The following SLC35F2 variants were observed in gnomAD, a reference collection of about 807,000 sequenced individuals.
The protein encoded by SLC35F2 is solute carrier family 35 member F2.
A neutral mutation model predicts 38.1 loss-of-function variants in SLC35F2; 25 were observed. That is an observed-to-expected ratio of 0.66 (90% CI 0.48 to 0.92). The LOEUF is 0.92. Among genes scored for constraint, SLC35F2 ranks in the 40% least tolerant of loss-of-function variants. SLC35F2 has a pLI of 0.00. For missense variants in SLC35F2, 409 were observed against 452.9 expected, an observed-to-expected ratio of 0.90 and a Z score of 0.88; for synonymous variants, 173 against 181.7, an observed-to-expected ratio of 0.95 and a Z score of 0.38.
intron 1 of SLC35F2, among the ~76,000 whole-genome samples, chr11:107,842,438 C>A (rs1860028026): frequency 6.6e-6 from 1 of 151,954 alleles, no homozygotes; most frequent in South Asian, 2.1e-4. Flanking sequence ...ACTGCAACCT[C>A]CGCCTCCTGG....
intron 1 of SLC35F2, among the ~76,000 whole-genome samples, chr11:107,835,397 C>T (rs192330611): frequency 6.6e-6 from 1 of 151,980 alleles, no homozygotes; most frequent in East Asian, 1.9e-4. Flanking sequence ...TGGAAATAGT[C>T]CGAACCTGGA....
intron 1 of SLC35F2, among the ~76,000 whole-genome samples, chr11:107,840,218 G>A (rs948420604): frequency 6.6e-6 from 1 of 152,178 alleles, no homozygotes; most frequent in African/African-American, 2.4e-5. Flanking sequence ...GCTGGGGTGG[G>A]AGGCAGGTAG....
chr11:107,839,943 G>A (rs1859989843), intron 1 of SLC35F2, among the ~76,000 whole-genome samples: 2 of 152,300 alleles, frequency 1.3e-5, no homozygotes, highest in South Asian at 2.1e-4. Flanking sequence ...GTAAGCCACC[G>A]TGCCCAACCT....
intron 4 of SLC35F2, 188 bp downstream of exon 4, chr11:107,806,529 T>C: frequency 1.7e-6 from 1 of 581,930 alleles, no homozygotes; most frequent in Non-Finnish European, 3.1e-6. Context: ...GAAGATTGGA[T>C]GAATTCATAG....
chr11:107,804,725 C>T lies in SLC35F2; in HGVS notation c.777G>A (p.Trp259Ter), dbSNP rs758677021. ...YKDIASIHWDWKIALLFVAFA... is the reference protein window; with the variant it reads ...YKDIASIHWD ...AATTATTTCTTTACATACCAATTTT[C>T]CAGTCCCAATGAATGCTGGCAATAT... The change falls in exon 6 of 8, where the codon TGG becomes TGA. Residue 259 changes from tryptophan to a stop codon, truncating the protein, a stop_gained. Transcript: ENST00000525815. LOFTEE classifies it high-confidence loss of function. 6.2e-6 allele frequency: 10 copies of T among 1,605,344 alleles called. No homozygotes were observed. The highest frequency in any genetic ancestry group is 8.5e-6 in the Non-Finnish European group (10 of 1,175,878).
chr11:107,805,534 C>T lies in SLC35F2; in HGVS notation c.575-19G>A, dbSNP rs71488279. On this transcript the variant is annotated intron_variant, in intron 4 of 7. Transcript: ENST00000525815. Reference sequence around the variant, plus strand: ...TCACTCCCTGCAGGAAGACAAGCCACAGAAAGCAAAACACTGTCAACAGAT... The same window carrying T: ...TCACTCCCTGCAGGAAGACAAGCCATAGAAAGCAAAACACTGTCAACAGAT... The T allele has an allele frequency of 0.056, 89,600 of 1,607,598 alleles. 2,830 individuals carry two copies. The highest frequency in any genetic ancestry group is 0.13 in the East Asian group (5,698 of 44,710).
chr11:107,804,621 A>C, intron 6 of SLC35F2, 97 bp downstream of exon 6: 1 of 921,994 alleles, frequency 1.1e-6, no homozygotes, highest in Non-Finnish European at 1.7e-6. Flanking sequence ...TGGATTTTAC[A>C]AAGACGTCTA....
In SLC35F2 at chr11:107,792,724, G is replaced by T. The variant is rs374138023; in HGVS notation, c.1016C>A (p.Thr339Lys). Residue 339 changes from threonine (T) to lysine (K), a missense_variant, in exon 8 of 8, where the codon ACG becomes AAG. By Grantham distance (78) the Thr-to-Lys change is moderately conservative. Coordinates refer to ENST00000525815, the MANE Select transcript of SLC35F2 (RefSeq NM_017515.5). ...CACGCTGCTTTCAGCCGGCTCGGCC[G>T]TGCGAGTAGGGGTGGAGCAGTACAG... ...FILYCSTPTR[T>K]AEPAESSVPP... 1.2e-6 allele frequency: 2 copies of T among 1,613,890 alleles called. No individual in the cohort carries two copies. Among genetic ancestry groups the T allele is most frequent in the East Asian group, 4.5e-5 (2 of 44,848 alleles).
At chr11:107,811,445 A>C (rs535769915) in intron 3 of SLC35F2, among the ~76,000 whole-genome samples, 1 of 152,354 alleles carries the variant, frequency 6.6e-6, no homozygotes. Flanking sequence ...AACTGTTCTA[A>C]TCTGCCATAG....
intron 1 of SLC35F2, among the ~76,000 whole-genome samples, chr11:107,820,579 T>A (rs1255367610): frequency 2.0e-5 from 3 of 152,134 alleles, no homozygotes; most frequent in Non-Finnish European, 4.4e-5. Context: ...TCTATATCTC[T>A]TTCTCCTTCC....
chr11:107,857,908 A>G (rs560097796), intron 1 of SLC35F2, among the ~76,000 whole-genome samples: 2 of 152,338 alleles, frequency 1.3e-5, no homozygotes, highest in East Asian at 3.9e-4. Context: ...ATTGTTATGC[A>G]CAGTACCTGA....
chr11:107,824,691 C>T (rs1032315829), intron 1 of SLC35F2, among the ~76,000 whole-genome samples: 43 of 152,182 alleles, frequency 2.8e-4, no homozygotes, highest in Non-Finnish European at 5.0e-4. Flanking sequence ...CACCTTTATG[C>T]GCCTAAGGGT....
intron 1 of SLC35F2, among the ~76,000 whole-genome samples, chr11:107,850,076 T>C (rs893672871): frequency 3.3e-5 from 5 of 152,216 alleles, no homozygotes; most frequent in African/African-American, 1.2e-4. Flanking sequence ...TCAGAGCAGC[T>C]GATAGGAATA....
intron 7 of SLC35F2, among the ~76,000 whole-genome samples, chr11:107,795,014 G>T (rs1859195683): frequency 6.6e-6 from 1 of 152,082 alleles, no homozygotes; most frequent in African/African-American, 2.4e-5. Flanking sequence ...CCTCTATAAG[G>T]AAAGCTACAA....
intron 1 of SLC35F2, among the ~76,000 whole-genome samples, chr11:107,848,850 C>G (rs1239430461): frequency 2.6e-5 from 4 of 152,150 alleles, no homozygotes; most frequent in Non-Finnish European, 4.4e-5. Context: ...CCAGGGAACC[C>G]CAAGAGCTCC....
At chr11:107,831,013 C>A (rs1248038815) in intron 1 of SLC35F2, among the ~76,000 whole-genome samples, 1 of 152,032 alleles carries the variant, frequency 6.6e-6, no homozygotes, top group Admixed American at 6.6e-5. Context: ...TATGGCTACC[C>A]AGGTAGGTCA....
At chr11:107,826,991 A>G (rs1859762453) in intron 1 of SLC35F2, among the ~76,000 whole-genome samples, 1 of 152,146 alleles carries the variant, frequency 6.6e-6, no homozygotes, top group African/African-American at 2.4e-5. Context: ...ATGTCCCCCT[A>G]CAATATGAAT....
chr11:107,833,575 CA>C (rs1338388850), intron 1 of SLC35F2, among the ~76,000 whole-genome samples: 2 of 149,166 alleles, frequency 1.3e-5, no homozygotes, highest in Non-Finnish European at 3.0e-5. Context: ...TGATGCTGTT[CA>C]AAAGTATCAG....
chr11:107,822,068 T>C (rs912892921), intron 1 of SLC35F2, among the ~76,000 whole-genome samples: 13 of 152,180 alleles, frequency 8.5e-5, no homozygotes, highest in Non-Finnish European at 1.5e-4. Flanking sequence ...TGAAACCCCA[T>C]ATATTTTGGA....
Sources: allele counts gnomAD v4.1 joint callset (sites outside exome capture counted in the v4.1 genomes callset), GRCh38; gene constraint gnomAD v4.1.1; transcripts MANE v1.5; gene names NCBI Gene and HGNC (gene_info 2026-07-23, HGNC 2026-07-21).